The following LRP1B variants were observed in gnomAD, a reference collection of about 807,000 sequenced individuals.
The protein encoded by LRP1B is low-density lipoprotein receptor-related protein 1B.
A neutral mutation model predicts 556.6 loss-of-function variants in LRP1B; 217 were observed. The ratio of observed to expected loss-of-function variants is 0.39; its 90% confidence interval spans 0.35 to 0.44. The LOEUF is 0.44. LRP1B is among the 20% of genes least tolerant of loss of function. The pLI, the probability that LRP1B is intolerant of heterozygous loss-of-function variation, is 1.00. For synonymous variants in LRP1B, 2,047 were observed against 1,865.8 expected (o/e 1.10, Z -2.50); for missense variants, 5,053 against 5,620.8 (o/e 0.90, Z 3.23).
chr2:141,206,714 A>C (rs1339322214), intron 6 of LRP1B, among the ~76,000 whole-genome samples: 1 of 152,170 alleles, frequency 6.6e-6, no homozygotes, highest in Admixed American at 6.5e-5. Context: ...TGGAAAGCTT[A>C]AAACTATCTT....
intron 3 of LRP1B, among the ~76,000 whole-genome samples, chr2:141,420,152 G>A (rs1419230106): frequency 6.6e-6 from 1 of 152,122 alleles, no homozygotes; most frequent in Non-Finnish European, 1.5e-5. Context: ...TCTCCTTTCA[G>A]TTATGCCATT....
chr2:141,063,927 C>T (rs561043917), intron 7 of LRP1B, among the ~76,000 whole-genome samples: 7 of 151,870 alleles, frequency 4.6e-5, no homozygotes, highest in East Asian at 2.0e-4. Context: ...GTAGAGACTA[C>T]GTTTAGATAG....
intron 68 of LRP1B, among the ~76,000 whole-genome samples, chr2:140,375,634 A>G (rs1683192278): frequency 1.3e-5 from 2 of 152,264 alleles, no homozygotes; most frequent in African/African-American, 2.4e-5. Flanking sequence ...TTCTAATGAC[A>G]TTGACATAAA....
At chr2:141,772,233 G>A (rs72847496) in intron 2 of LRP1B, among the ~76,000 whole-genome samples, 189 of 152,216 alleles carry the variant, frequency 1.2e-3, no homozygotes, top group Admixed American at 3.0e-3. Flanking sequence ...CCAAAACTGT[G>A]AGAAATATAT....
At position 140,373,191 on chromosome 2, in the gene LRP1B, C is replaced by T. The variant is rs965944985; in HGVS notation, c.10639-54G>A. On this transcript the variant is annotated intron_variant, in intron 68 of 90. Transcript: ENST00000389484. The stretch of plus-strand genomic sequence containing the variant: ...AATTAAAATTTTAGAAACACTTCTA[C>T]ACACTCAAAAGACAAGAAAACTTAT... 6 of 1,494,118 alleles carry T rather than the reference C, an allele frequency of 4.0e-6. No individual in the cohort carries two copies. In the African/African-American group the frequency reaches 7.0e-5, roughly 17 times the overall value. 92.6% of individuals were successfully genotyped at this position (1,494,118 alleles called of 1,614,324 possible).
At chr2:140,501,911 A>C in intron 54 of LRP1B, 37 bp from the exon 55 acceptor site, 1 of 1,491,248 alleles carries the variant, frequency 6.7e-7, no homozygotes, top group Non-Finnish European at 9.1e-7. Context: ...CATAAAGGGC[A>C]TGCCATTGTT....
rs555945773 is a variant in LRP1B at position 140,714,039 on chromosome 2, G to C, written c.6023+1934C>G. 3.9e-5 allele frequency among the ~76,000 whole-genome samples: 6 copies of C among 152,052 alleles called. No homozygotes were observed. In the South Asian group the frequency reaches 1.2e-3, roughly 31 times the overall value. ...GAGTTTGATCAATTAGTCTTTTATT[G>C]TGCCTGAAAATAAGTCTTTACAAAG... is the stretch of plus-strand genomic sequence containing the variant. On this transcript the variant is annotated intron_variant, in intron 37 of 90. Transcript: ENST00000389484.
chr2:141,913,949 T>C (rs1477490226), intron 1 of LRP1B, among the ~76,000 whole-genome samples: 1 of 152,134 alleles, frequency 6.6e-6, no homozygotes, highest in Non-Finnish European at 1.5e-5. Flanking sequence ...GGTTTCACTG[T>C]GTTAGCCAGG....
chr2:140,755,372 T>C (rs1688710676), intron 35 of LRP1B, among the ~76,000 whole-genome samples: 4 of 152,006 alleles, frequency 2.6e-5, no homozygotes, highest in African/African-American at 7.2e-5. Flanking sequence ...GAAAGAAAAA[T>C]ACTGACCAAC....
At chr2:140,556,317 G>T (rs774957278) in intron 43 of LRP1B, among the ~76,000 whole-genome samples, 2 of 151,804 alleles carry the variant, frequency 1.3e-5, no homozygotes, top group African/African-American at 4.8e-5. Context: ...TGGAGGAAAG[G>T]CCCCCCCACA....
intron 33 of LRP1B, 82 bp from the exon 34 acceptor site, chr2:140,771,088 A>G: frequency 1.1e-6 from 1 of 946,016 alleles, no homozygotes; most frequent in East Asian, 2.9e-5. Context: ...TAATTTGACA[A>G]ATATGTATGC....
At chr2:141,030,858 T>C (rs1414440089) in intron 11 of LRP1B, among the ~76,000 whole-genome samples, 1 of 151,964 alleles carries the variant, frequency 6.6e-6, no homozygotes, top group African/African-American at 2.4e-5. Flanking sequence ...TGATAGGTGT[T>C]TAAGGAAGAT....
chr2:141,024,170 A>T (rs1698148958), intron 11 of LRP1B, among the ~76,000 whole-genome samples: 1 of 151,990 alleles, frequency 6.6e-6, no homozygotes, highest in African/African-American at 2.4e-5. Context: ...TAGCAGTAAA[A>T]TTTGCTTGCT....
At chr2:141,469,318 T>C (rs1682368218) in intron 3 of LRP1B, among the ~76,000 whole-genome samples, 1 of 152,180 alleles carries the variant, frequency 6.6e-6, no homozygotes, top group South Asian at 2.1e-4. Context: ...CTCATAGCTG[T>C]TTCATTTTTC....
intron 23 of LRP1B, among the ~76,000 whole-genome samples, chr2:140,888,855 C>T (rs1693715607): frequency 6.7e-6 from 1 of 150,068 alleles, no homozygotes; most frequent in African/African-American, 2.5e-5. Context: ...CCCAGCTACT[C>T]AGGAGGCTGA....
At chr2:141,248,122 T>C (rs1684135107) in intron 4 of LRP1B, among the ~76,000 whole-genome samples, 1 of 152,146 alleles carries the variant, frequency 6.6e-6, no homozygotes, top group African/African-American at 2.4e-5. Context: ...CTTCATTCTG[T>C]TTTCTCTATA....
At chr2:141,878,082 T>TA (rs35025932) in intron 1 of LRP1B, among the ~76,000 whole-genome samples, 109 of 149,924 alleles carry the variant, frequency 7.3e-4, no homozygotes, top group Admixed American at 2.2e-3. Context: ...CTGGTGAAGT[T>TA]AAAAAAAAAA....
Position 140,727,980 on chromosome 2 carries a change from A to G in LRP1B, c.5759-11164T>C, listed in dbSNP as rs1687651727. 2.0e-5 allele frequency among the ~76,000 whole-genome samples: 3 copies of G among 152,188 alleles called. No homozygotes were observed. In the South Asian group the frequency reaches 6.2e-4, roughly 32 times the overall value. The stretch of plus-strand genomic sequence containing the variant: ...GAGAATTCCAACCTTGTAAGTAAAT[A>G]AAATGAAATCTGCAGACTTCAAAGA... On this transcript the variant is annotated intron_variant, in intron 35 of 90. Coordinates refer to ENST00000389484, the MANE Select transcript of LRP1B (RefSeq NM_018557.3).
intron 69 of LRP1B, 97 bp from the exon 70 acceptor site, chr2:140,371,382 T>C: frequency 1.9e-6 from 1 of 531,850 alleles, no homozygotes; most frequent in Non-Finnish European, 3.3e-6. Flanking sequence ...TTATAGATGG[T>C]AATAAAAATA....
Sources: allele counts gnomAD v4.1 joint callset (sites outside exome capture counted in the v4.1 genomes callset), GRCh38; gene constraint gnomAD v4.1.1; transcripts MANE v1.5; gene names NCBI Gene and HGNC (gene_info 2026-07-23, HGNC 2026-07-21).